Variants in PARD6G observed in about 807,000 individuals in gnomAD.
PARD6G encodes the protein par-6 family cell polarity regulator gamma, also known as partitioning defective 6 homolog gamma.
A neutral mutation model predicts 10.7 loss-of-function variants in PARD6G; 7 were observed. The ratio of observed to expected loss-of-function variants is 0.66; its 90% CI spans 0.37 to 1.23. The LOEUF (loss-of-function observed/expected upper bound fraction) is 1.23. Among genes scored for constraint, PARD6G ranks in the 50% most tolerant of loss-of-function variants. PARD6G has a pLI of 0.02. For synonymous variants in PARD6G, 287 were observed against 269.4 expected, an observed-to-expected ratio of 1.07 and a Z score of -0.64; for missense variants, 548 against 571.8, an observed-to-expected ratio of 0.96 and a Z score of 0.42.
intron 2 of PARD6G, among the ~76,000 whole-genome samples, chr18:80,198,114 T>C (rs1011440491): frequency 6.6e-6 from 1 of 152,294 alleles, no homozygotes; most frequent in East Asian, 1.9e-4. Flanking sequence ...CCAAATGCCA[T>C]GTAGTCGTTG....
In PARD6G at chr18:80,207,104, G is replaced by A. The variant is rs947541157; in HGVS notation, c.73-4172C>T. 1.0e-3 allele frequency among the ~76,000 whole-genome samples: 123 copies of A among 118,694 alleles called. 1 individual carries two copies. Among genetic ancestry groups the A allele is most frequent in the African/African-American group, 2.5e-3 (93 of 37,538 alleles). The allele number at this position is 118,694 out of a possible 152,430, so 77.9% of individuals were successfully genotyped here. On this transcript the variant is annotated intron_variant, in intron 1 of 2. Transcript: ENST00000353265. ...TTAACAGTAAATGAAAGATTCTTCC[G>A]ATGTTTATTTGGATGGCTAGTGATT... is the stretch of plus-strand genomic sequence containing the variant.
rs1365890914 is a variant in PARD6G at position 80,175,626 on chromosome 18, G to A, written c.296-15020C>T. ...TTCAGTGCACTACGCACACTGTTCC[G>A]TAATTGTTCTCTTGCTGAGTGTATC... On this transcript the variant is annotated intron_variant, in intron 2 of 2. Transcript: ENST00000353265. This position sits in a 1 kb window ranked among gnomAD's most constrained non-coding sequence, Gnocchi z 6.7. Among the ~76,000 whole-genome samples, 2 of 152,220 alleles carry A rather than the reference G, an allele frequency of 1.3e-5. No individual in the cohort carries two copies. Among genetic ancestry groups the A allele is most frequent in the East Asian group, 1.9e-4 (1 of 5,204 alleles).
intron 1 of PARD6G, among the ~76,000 whole-genome samples, chr18:80,212,573 C>A (rs1030158843): frequency 1.3e-5 from 2 of 152,184 alleles, no homozygotes; most frequent in African/African-American, 4.8e-5. Context: ...CACTGATTCA[C>A]CAAAAATTGG....
chr18:80,204,766 T>C (rs988570852), intron 1 of PARD6G, among the ~76,000 whole-genome samples: 6 of 151,852 alleles, frequency 4.0e-5, no homozygotes, highest in African/African-American at 1.2e-4. Context: ...CTGGCCAACA[T>C]GGTGAAACCC....
intron 1 of PARD6G, among the ~76,000 whole-genome samples, chr18:80,244,527 C>A (rs1304290471): frequency 6.6e-6 from 1 of 152,144 alleles, no homozygotes; most frequent in Non-Finnish European, 1.5e-5. Context: ...AGTTTTCCAA[C>A]CCAATATCTT....
chr18:80,224,518 A>G lies in PARD6G; in HGVS notation c.73-21586T>C, dbSNP rs1396786600. Among the ~76,000 whole-genome samples the G allele has an allele frequency of 2.0e-5, 3 of 152,298 alleles. No homozygotes were observed. The South Asian group carries it at 6.2e-4, about 32-fold the overall frequency. ...GCTTCAAAGCTGGATATCTGTCTTC[A>G]TGCCCTGAATTAAATCATAAGCTTC... On this transcript the variant is annotated intron_variant, in intron 1 of 2. Transcript: ENST00000353265.
At chr18:80,240,812 T>A (rs564156870) in intron 1 of PARD6G, among the ~76,000 whole-genome samples, 3 of 152,222 alleles carry the variant, frequency 2.0e-5, no homozygotes, top group Non-Finnish European at 2.9e-5. Context: ...GTGGATCTGG[T>A]GATAGCTTGA....
At chr18:80,195,188 A>T (rs1392703111) in intron 2 of PARD6G, among the ~76,000 whole-genome samples, 2 of 152,208 alleles carry the variant, frequency 1.3e-5, no homozygotes, top group African/African-American at 4.8e-5. Flanking sequence ...ACATGACAGA[A>T]ACAATGACAT....
rs577692348 is a variant in PARD6G, at chr18:80,188,590, G to A, written c.295+14120C>T. On this transcript the variant is annotated intron_variant, in intron 2 of 2. Coordinates refer to ENST00000353265, the MANE Select transcript of PARD6G (RefSeq NM_032510.4). The surrounding 1 kb of genome is among the most constrained non-coding windows in gnomAD (Gnocchi z 5.4). ...CCAGCCCTCCTCGGATGCCCAGTTC[G>A]CCAGAGGAAGGGTCTCTCTGTTTCC... is the stretch of plus-strand genomic sequence containing the variant. Among the ~76,000 whole-genome samples, 8 of 152,268 alleles carry A rather than the reference G, an allele frequency of 5.3e-5. No homozygotes were observed. Among genetic ancestry groups the A allele is most frequent in the African/African-American group, 1.2e-4 (5 of 41,534 alleles).
intron 1 of PARD6G, among the ~76,000 whole-genome samples, chr18:80,204,878 G>T (rs1344156453): frequency 6.6e-6 from 1 of 152,122 alleles, no homozygotes; most frequent in African/African-American, 2.4e-5. Flanking sequence ...CTTGAACCTG[G>T]GAGGTGGAGG....
In PARD6G at chr18:80,236,160, A is replaced by G. The variant is rs563945423; in HGVS notation, c.72+11117T>C. On this transcript the variant is annotated intron_variant, in intron 1 of 2. Transcript: ENST00000353265. The stretch of plus-strand genomic sequence containing the variant: ...TCAAAAAGCTTATCCACCACGATCA[A>G]TTGGGCTTCATCCCTGGGATGCAAG... Among the ~76,000 whole-genome samples, 60 of 152,362 alleles carry G rather than the reference A, an allele frequency of 3.9e-4. 1 individual carries two copies. Among genetic ancestry groups the G allele is most frequent in the African/African-American group, 1.3e-3 (53 of 41,582 alleles).
intron 2 of PARD6G, among the ~76,000 whole-genome samples, 187 bp from the exon 3 acceptor site, chr18:80,160,793 T>C (rs1423760185): frequency 4.7e-4 from 72 of 152,234 alleles, no homozygotes; most frequent in Non-Finnish European, 1.5e-5. Flanking sequence ...AAATTAACTC[T>C]CTAGCACTCT....
At chr18:80,236,496 G>A (rs1174218105) in intron 1 of PARD6G, among the ~76,000 whole-genome samples, 3 of 152,144 alleles carry the variant, frequency 2.0e-5, no homozygotes, top group Non-Finnish European at 4.4e-5. Flanking sequence ...TGGAAGTTCT[G>A]GCCAGGACAA....
intron 1 of PARD6G, among the ~76,000 whole-genome samples, chr18:80,229,041 C>T (rs143342238): frequency 6.6e-6 from 1 of 152,076 alleles, no homozygotes; most frequent in Non-Finnish European, 1.5e-5. Context: ...TGGGTTCAAG[C>T]GATTCTCCTG....
chr18:80,217,956 T>C (rs1568440003), intron 1 of PARD6G, among the ~76,000 whole-genome samples: 1 of 151,996 alleles, frequency 6.6e-6, no homozygotes, highest in Non-Finnish European at 1.5e-5. Context: ...TACAAAACCA[T>C]CAAACTCATG....
intron 2 of PARD6G, among the ~76,000 whole-genome samples, chr18:80,197,928 G>T (rs949669099): frequency 6.6e-5 from 10 of 152,156 alleles, no homozygotes; most frequent in African/African-American, 2.2e-4. Flanking sequence ...AATCCATTCT[G>T]GTAACTGCTG....
In PARD6G at chr18:80,192,009, T is replaced by TCC. The variant is rs1966902090; in HGVS notation, c.295+10699_295+10700dup. The stretch of plus-strand genomic sequence containing the variant: ...CCAAATCTAAAATTGGTCAAAGGTG[T>TCC]CCAACTCCACCTTGATGATTCTGAA... On this transcript the variant is annotated intron_variant, in intron 2 of 2. Coordinates refer to ENST00000353265, the MANE Select transcript of PARD6G (RefSeq NM_032510.4). This position sits in a 1 kb window ranked among gnomAD's most constrained non-coding sequence, Gnocchi z 4.9. Among the ~76,000 whole-genome samples, 1 of 152,218 alleles carries TCC rather than the reference T, an allele frequency of 6.6e-6. No individual in the cohort carries two copies. Among genetic ancestry groups the TCC allele is most frequent in the African/African-American group, 2.4e-5 (1 of 41,450 alleles).
At chr18:80,214,767 GA>G (rs1967145843) in intron 1 of PARD6G, among the ~76,000 whole-genome samples, 1 of 151,726 alleles carries the variant, frequency 6.6e-6, no homozygotes, top group Admixed American at 6.6e-5. Context: ...AGAGAAAGAG[GA>G]AAAAAAGGCA....
intron 1 of PARD6G, among the ~76,000 whole-genome samples, chr18:80,230,351 A>G (rs188801566): frequency 1.3e-5 from 2 of 152,372 alleles, no homozygotes; most frequent in Admixed American, 6.5e-5. Context: ...CAGGTCTTAA[A>G]GAAATACAGG....
Sources: allele counts gnomAD v4.1 joint callset (sites outside exome capture counted in the v4.1 genomes callset), GRCh38; gene constraint gnomAD v4.1.1; non-coding constraint Gnocchi (gnomAD v3.1); transcripts MANE v1.5; gene names NCBI Gene and HGNC (gene_info 2026-07-23, HGNC 2026-07-21).